Variants in TMEM167B observed in about 807,000 individuals in gnomAD.
TMEM167B encodes transmembrane protein 167B, also known as protein kish-B.
TMEM167B carries 2 observed loss-of-function variants against 9.4 expected under a neutral mutation model. The observed-to-expected ratio is 0.21, with a 90% CI of 0.09 to 0.67. The LOEUF (loss-of-function observed/expected upper bound fraction) is 0.67, where lower values mean the gene tolerates loss of function less well. TMEM167B is among the 30% of genes least tolerant of loss of function. The pLI is 0.82. For missense variants in TMEM167B, 68 were observed against 87.6 expected (o/e 0.78, Z 0.89); for synonymous variants, 28 against 32.0 (o/e 0.87, Z 0.42).
rs562799491 is a variant in TMEM167B, at chr1:109,094,641, G to A, written c.*142G>A. ...ACCACAGCATCTGCCCCTGCTATATGTGGGGAAAACTCATGGTCACGAACA... is the reference window on the plus strand; with the variant it reads ...ACCACAGCATCTGCCCCTGCTATATATGGGGAAAACTCATGGTCACGAACA... On this transcript the variant is annotated 3_prime_UTR_variant, in exon 3 of 3. Coordinates refer to ENST00000338272, the MANE Select transcript of TMEM167B (RefSeq NM_020141.4). 11 of 742,244 alleles carry A rather than the reference G, an allele frequency of 1.5e-5. No homozygotes were observed. In the African/African-American group the frequency reaches 1.7e-4, roughly 12 times the overall value. The allele number at this position is 742,244 out of a possible 1,614,324, so 46.0% of individuals were successfully genotyped here. A position where few individuals can be genotyped will look rare whatever the true frequency, so the allele number is the denominator to read the frequency against.
In TMEM167B at chr1:109,095,187, G is replaced by T. The variant is rs878889818; in HGVS notation, c.*688G>T. ...TGTGTGATGAGACCAGAAAGCAGTG[G>T]CTTAGACAAGAAAAAATCTTTCTGT... On this transcript the variant is annotated 3_prime_UTR_variant, in exon 3 of 3. Coordinates refer to ENST00000338272, the MANE Select transcript of TMEM167B (RefSeq NM_020141.4). 6.6e-6 allele frequency: 1 copy of T among 152,172 alleles called. No individual in the cohort carries two copies. Among genetic ancestry groups the T allele is most frequent in the African/African-American group, 2.4e-5 (1 of 41,448 alleles). 9.4% of individuals were successfully genotyped at this position (152,172 alleles called of 1,614,324 possible).
intron 1 of TMEM167B, among the ~76,000 whole-genome samples, 189 bp downstream of exon 1, chr1:109,091,071 A>AC (rs1222662884): frequency 6.7e-6 from 1 of 148,530 alleles, no homozygotes; most frequent in Non-Finnish European, 1.5e-5. Context: ...TTCATCTAGG[A>AC]CCCCCAGTGC....
Position 109,094,854 on chromosome 1 carries a change from G to A in TMEM167B, c.*355G>A, listed in dbSNP as rs1664532347. On this transcript the variant is annotated 3_prime_UTR_variant, in exon 3 of 3. Transcript: ENST00000338272. Reference sequence around the variant, plus strand: ...CCTCATCAGGATCTTTTCAAACTGAGGCTCATTAGGGAAGGAACTAGGCTG... The same window carrying A: ...CCTCATCAGGATCTTTTCAAACTGAAGCTCATTAGGGAAGGAACTAGGCTG... 5.1e-6 allele frequency: 1 copy of A among 195,018 alleles called. No homozygotes were observed. Among genetic ancestry groups the A allele is most frequent in the African/African-American group, 2.4e-5 (1 of 42,552 alleles). The allele number at this position is 195,018 out of a possible 1,614,324, so 12.1% of individuals were successfully genotyped here.
chr1:109,094,321 AT>A, intron 2 of TMEM167B, 95 bp from the exon 3 acceptor site: 2 of 1,208,856 alleles, frequency 1.7e-6, no homozygotes, highest in Non-Finnish European at 2.4e-6. Context: ...GAGCGTTGAT[AT>A]GTCTGTCTGT....
chr1:109,091,004 C>T, intron 1 of TMEM167B, 122 bp downstream of exon 1: 2 of 1,187,898 alleles, frequency 1.7e-6, no homozygotes, highest in Non-Finnish European at 2.3e-6. Context: ...CCCTTGGCCT[C>T]TCGACGCCCC....
Position 109,094,469 on chromosome 1 carries a change from A to G in TMEM167B, c.195A>G (p.Val65=). 6.2e-7 allele frequency: 1 copy of G among 1,613,998 alleles called. No individual in the cohort carries two copies. The highest frequency in any genetic ancestry group is 8.5e-7 in the Non-Finnish European group (1 of 1,180,028). ...LHAAVAIACV[V]MAFYVLFIK ...CTGCTGTGGCAATTGCTTGTGTTGT[A>G]ATGGCCTTTTACGTCCTGTTTATAA... Residue 65 remains valine (V), a synonymous_variant, in exon 3 of 3, where the codon GTA becomes GTG. Transcript: ENST00000338272.
chr1:109,092,642 G>C (rs1443910869), intron 1 of TMEM167B, among the ~76,000 whole-genome samples: 4 of 152,142 alleles, frequency 2.6e-5, no homozygotes, highest in Non-Finnish European at 5.9e-5. Context: ...CATGATCGTA[G>C]TTCATTGCAG....
intron 2 of TMEM167B, 62 bp downstream of exon 2, chr1:109,093,083 G>A: frequency 6.2e-7 from 1 of 1,600,378 alleles, no homozygotes. Flanking sequence ...GAGCTACAAA[G>A]TAGGGAGTAC....
rs1301866593 is a variant in TMEM167B, at chr1:109,096,706, T to C, written c.*2207T>C. The C allele has an allele frequency of 2.0e-5, 3 of 152,236 alleles. No homozygotes were observed. Among genetic ancestry groups the C allele is most frequent in the African/African-American group, 7.2e-5 (3 of 41,468 alleles). The allele number at this position is 152,236 out of a possible 1,614,324, so 9.4% of individuals were successfully genotyped here. A position where few individuals can be genotyped will look rare whatever the true frequency, so the allele number is the denominator to read the frequency against. On this transcript the variant is annotated 3_prime_UTR_variant, in exon 3 of 3. Coordinates refer to ENST00000338272, the MANE Select transcript of TMEM167B (RefSeq NM_020141.4). Reference sequence around the variant, plus strand: ...TTGTTTAACTCATTACTTTGTTTGATGTGTCTTACATATTTTTGACTAAAA... The same window carrying C: ...TTGTTTAACTCATTACTTTGTTTGACGTGTCTTACATATTTTTGACTAAAA...
In TMEM167B at chr1:109,096,735, A is replaced by G. The variant is rs1664575582; in HGVS notation, c.*2236A>G. The G allele has an allele frequency of 6.6e-6, 1 of 152,262 alleles. No homozygotes were observed. The highest frequency in any genetic ancestry group is 6.5e-5 in the Admixed American group (1 of 15,288). The allele number at this position is 152,262 out of a possible 1,614,324, so 9.4% of individuals were successfully genotyped here. ...TCTTACATATTTTTGACTAAAAGTT[A>G]TAGAATGTTATTCCTCTGGGGGAAT... is the stretch of plus-strand genomic sequence containing the variant. On this transcript the variant is annotated 3_prime_UTR_variant, in exon 3 of 3. Transcript: ENST00000338272.
At position 109,095,451 on chromosome 1, in the gene TMEM167B, A is replaced by G. The variant is rs944198910; in HGVS notation, c.*952A>G. On this transcript the variant is annotated 3_prime_UTR_variant, in exon 3 of 3. Coordinates refer to ENST00000338272, the MANE Select transcript of TMEM167B (RefSeq NM_020141.4). ...TAGTATATTGATTCATATACTAGTAAATTCATCTAGTATAAGAACTTGTGA... is the reference window on the plus strand; with the variant it reads ...TAGTATATTGATTCATATACTAGTAGATTCATCTAGTATAAGAACTTGTGA... 6.6e-6 allele frequency: 1 copy of G among 152,200 alleles called. No individual in the cohort carries two copies. The highest frequency in any genetic ancestry group is 1.5e-5 in the Non-Finnish European group (1 of 68,038). The allele number at this position is 152,200 out of a possible 1,614,324, so 9.4% of individuals were successfully genotyped here.
intron 1 of TMEM167B, among the ~76,000 whole-genome samples, chr1:109,091,172 C>A (rs888248471): frequency 6.6e-6 from 1 of 152,140 alleles, no homozygotes. Context: ...AGAGGTCAGT[C>A]CCAGAGGTAC....
In TMEM167B at chr1:109,093,277, T is replaced by G. The variant is rs963354438; in HGVS notation, c.142+256T>G. ...GGGGCCAAGGCAGGAGGATTGCTTG[T>G]GTCCAGGAGTTGTAGATCAGCCCGG... On this transcript the variant is annotated intron_variant, in intron 2 of 2. Transcript: ENST00000338272. 6.6e-5 allele frequency: 28 copies of G among 421,530 alleles called. 2 individuals are homozygous for G. The Middle Eastern group carries it at 2.8e-3, about 42-fold the overall frequency. 26.1% of individuals were successfully genotyped at this position (421,530 alleles called of 1,614,324 possible).
At chr1:109,094,332 TGACTA>T in intron 2 of TMEM167B, 80 bp from the exon 3 acceptor site, 1 of 1,349,338 alleles carries the variant, frequency 7.4e-7, no homozygotes, top group Non-Finnish European at 1.1e-6. Flanking sequence ...TGTCTGTCTG[TGACTA>T]GAGACTTCAA....
At chr1:109,092,290 C>T (rs1224317792) in intron 1 of TMEM167B, among the ~76,000 whole-genome samples, 4 of 152,166 alleles carry the variant, frequency 2.6e-5, no homozygotes, top group Non-Finnish European at 5.9e-5. Flanking sequence ...CATGTGGATT[C>T]TTACTCTTGC....
Position 109,095,797 on chromosome 1 carries a change from A to G in TMEM167B, c.*1298A>G, listed in dbSNP as rs1664555759. 1 of 152,182 alleles carries G rather than the reference A, an allele frequency of 6.6e-6. No homozygotes were observed. Among genetic ancestry groups the G allele is most frequent in the South Asian group, 2.1e-4 (1 of 4,828 alleles). 9.4% of individuals were successfully genotyped at this position (152,182 alleles called of 1,614,324 possible). A position where few individuals can be genotyped will look rare whatever the true frequency, so the allele number is the denominator to read the frequency against. On this transcript the variant is annotated 3_prime_UTR_variant, in exon 3 of 3. Transcript: ENST00000338272. The stretch of plus-strand genomic sequence containing the variant: ...TGAAGTACTTTGCCATGGAGTTAGT[A>G]ACTCCTGAGCAGACCATTTTAGATG...
intron 1 of TMEM167B, 115 bp from the exon 2 acceptor site, chr1:109,092,775 G>C: frequency 2.5e-6 from 3 of 1,196,468 alleles, no homozygotes; most frequent in Non-Finnish European, 3.6e-6. Context: ...ACTGCCTGTT[G>C]AGGTTATTAT....
chr1:109,090,941 G>A, intron 1 of TMEM167B, 59 bp downstream of exon 1: 2 of 1,545,038 alleles, frequency 1.3e-6, no homozygotes, highest in Non-Finnish European at 1.8e-6. Flanking sequence ...AAACGTGGCG[G>A]GCGGGGCCGG....
In TMEM167B at chr1:109,090,867, G is replaced by T; in HGVS notation, c.-6G>T. ...GACCCCCTACCCAGGTCCAGGGCCA[G>T]CCGCCATGACGAACGGTGAGAACTG... On this transcript the variant is annotated 5_prime_UTR_variant, in exon 1 of 3. Transcript: ENST00000338272. 6.3e-7 allele frequency: 1 copy of T among 1,593,252 alleles called. No individual in the cohort carries two copies.
Sources: allele counts gnomAD v4.1 joint callset (sites outside exome capture counted in the v4.1 genomes callset), GRCh38; gene constraint gnomAD v4.1.1; transcripts MANE v1.5; gene names NCBI Gene and HGNC (gene_info 2026-07-23, HGNC 2026-07-21).